PLCG2: variants seen among roughly 807,000 people sequenced by gnomAD.
PLCG2 encodes 1-phosphatidylinositol 4,5-bisphosphate phosphodiesterase gamma-2.
In PLCG2, 69 loss-of-function variants were observed where a neutral mutation model predicts 175.6. That is an observed-to-expected ratio of 0.39 (90% CI 0.32 to 0.48). The LOEUF (loss-of-function observed/expected upper bound fraction) is 0.48, where lower values mean the gene tolerates loss of function less well. Among genes scored for constraint, PLCG2 ranks in the 20% least tolerant of loss-of-function variants. PLCG2 has a pLI of 0.91. For synonymous variants in PLCG2, 827 were observed against 624.0 expected, an observed-to-expected ratio of 1.33 and a Z score of -4.85; for missense variants, 1,798 against 1,650.9, an observed-to-expected ratio of 1.09 and a Z score of -1.54.
At chr16:81,749,643 T>C (rs559102185) in intron 1 of PLCG2, among the ~76,000 whole-genome samples, 4 of 152,242 alleles carry the variant, frequency 2.6e-5, no homozygotes, top group Non-Finnish European at 5.9e-5. Flanking sequence ...CGTGAGCCAC[T>C]GTGCCTGGCC....
At chr16:81,815,722 C>T (rs1020965429) in intron 2 of PLCG2, among the ~76,000 whole-genome samples, 2 of 152,138 alleles carry the variant, frequency 1.3e-5, no homozygotes, top group African/African-American at 2.4e-5. Context: ...TTCTCGCGGT[C>T]TTCTTGGTGG....
Position 81,931,522 on chromosome 16 carries a change from G to T in PLCG2, c.2607G>T (p.Gln869His). Residue 869 changes from glutamine (Q) to histidine (H), a missense_variant, in exon 25 of 33, where the codon CAG becomes CAT. Coordinates refer to ENST00000564138, the MANE Select transcript of PLCG2 (RefSeq NM_002661.5). ...TGAAAGCCCCTCAGGGAAAAAACCAGAAGTCCTTTGTCTTCATCCTGGAGC... is the reference window on the plus strand; with the variant it reads ...TGAAAGCCCCTCAGGGAAAAAACCATAAGTCCTTTGTCTTCATCCTGGAGC... ...NVVKAPQGKN[Q>H]KSFVFILEPK... is the part of the protein sequence containing the mutation. 6.2e-7 allele frequency: 1 copy of T among 1,614,062 alleles called. No individual in the cohort carries two copies. Among genetic ancestry groups the T allele is most frequent in the Non-Finnish European group, 8.5e-7 (1 of 1,180,000 alleles).
intron 2 of PLCG2, among the ~76,000 whole-genome samples, chr16:81,768,867 T>C (rs1910212288): frequency 6.6e-6 from 1 of 152,066 alleles, no homozygotes; most frequent in Admixed American, 6.6e-5. Context: ...GTGCCCAGCC[T>C]ATTGTCAGTG....
At chr16:81,889,356 T>C in intron 10 of PLCG2, 83 bp downstream of exon 10, 1 of 774,778 alleles carries the variant, frequency 1.3e-6, no homozygotes, top group Admixed American at 2.2e-5. Context: ...TCTGTTTGTC[T>C]TTCCTTGGAG....
At chr16:81,790,178 C>A (rs1158452117) in intron 2 of PLCG2, among the ~76,000 whole-genome samples, 1 of 152,160 alleles carries the variant, frequency 6.6e-6, no homozygotes, top group Admixed American at 6.6e-5. Context: ...GTGTGACAGG[C>A]ACTCAGTTGT....
chr16:81,877,821 T>C (rs1907878844), intron 7 of PLCG2, among the ~76,000 whole-genome samples: 1 of 151,644 alleles, frequency 6.6e-6, no homozygotes, highest in South Asian at 2.1e-4. Context: ...CCTTGGCTTG[T>C]AGATGTCATT....
chr16:81,882,656 C>T (rs1567514735), intron 8 of PLCG2, among the ~76,000 whole-genome samples: 1 of 152,004 alleles, frequency 6.6e-6, no homozygotes, highest in Non-Finnish European at 1.5e-5. Context: ...TCTTTCCTCC[C>T]CTCCCTTCTC....
intron 2 of PLCG2, among the ~76,000 whole-genome samples, chr16:81,824,953 G>A (rs1318666309): frequency 6.6e-6 from 1 of 152,248 alleles, no homozygotes; most frequent in Non-Finnish European, 1.5e-5. Context: ...GGAGGTCACA[G>A]TCAGGGAGAG....
At chr16:81,853,781 C>G (rs554692221) in intron 2 of PLCG2, among the ~76,000 whole-genome samples, 1 of 152,262 alleles carries the variant, frequency 6.6e-6, no homozygotes, top group Non-Finnish European at 1.5e-5. Flanking sequence ...GGCATAAATA[C>G]TGGAGGCTGT....
intron 31 of PLCG2, among the ~76,000 whole-genome samples, chr16:81,949,863 G>C (rs570348529): frequency 2.6e-5 from 4 of 152,264 alleles, no homozygotes; most frequent in African/African-American, 7.2e-5. Context: ...GTATGCTAAA[G>C]GTTATTTCAA....
intron 2 of PLCG2, among the ~76,000 whole-genome samples, chr16:81,849,734 G>A (rs1205116635): frequency 7.8e-6 from 1 of 127,934 alleles, no homozygotes; most frequent in Non-Finnish European, 1.5e-5. Context: ...TTGTGCCACT[G>A]CACTCCAGCC....
chr16:81,758,395 T>C (rs1486329040), intron 2 of PLCG2, among the ~76,000 whole-genome samples: 1 of 152,240 alleles, frequency 6.6e-6, no homozygotes, highest in East Asian at 1.9e-4. Flanking sequence ...GTTCATTTGT[T>C]CATCAGTTGA....
rs1910937602 is a variant in PLCG2 at position 81,785,692 on chromosome 16, T to C, written c.-47-251T>C. On this transcript the variant is annotated intron_variant, in intron 1 of 32. Transcript: ENST00000564138. ...GACTCACTGCCAGGTCAGGGTGATTTGGTTATTCAAAGCCCACGTAACGGT... is the reference window on the plus strand; with the variant it reads ...GACTCACTGCCAGGTCAGGGTGATTCGGTTATTCAAAGCCCACGTAACGGT... 6.3e-5 allele frequency: 17 copies of C among 268,780 alleles called. 1 individual carries two copies. The South Asian group carries it at 8.4e-4, about 13-fold the overall frequency. The allele number at this position is 268,780 out of a possible 1,614,324, so 16.6% of individuals were successfully genotyped here. A position where few individuals can be genotyped will look rare whatever the true frequency, so the allele number is the denominator to read the frequency against.
rs773668135 is a variant in PLCG2, at chr16:81,883,257, C to T, written c.693-12C>T. The T allele has an allele frequency of 9.9e-5, 159 of 1,613,398 alleles. No homozygotes were observed. Among genetic ancestry groups the T allele is most frequent in the Middle Eastern group, 3.3e-4 (2 of 6,060 alleles). ...GTCTGTCTCTAACTGCACCCCCTTTCCCCGAGGATAGGAACACTGACAGGC... is the reference window on the plus strand; with the variant it reads ...GTCTGTCTCTAACTGCACCCCCTTTTCCCGAGGATAGGAACACTGACAGGC... On this transcript the variant is annotated splice_polypyrimidine_tract_variant and intron_variant, in intron 8 of 32. Coordinates refer to ENST00000564138, the MANE Select transcript of PLCG2 (RefSeq NM_002661.5).
chr16:81,878,483 C>T (rs1597369221), intron 7 of PLCG2, among the ~76,000 whole-genome samples: 1 of 152,198 alleles, frequency 6.6e-6, no homozygotes, highest in African/African-American at 2.4e-5. Flanking sequence ...CTTTTTCTAT[C>T]TTTAGAACGT....
intron 1 of PLCG2, among the ~76,000 whole-genome samples, chr16:81,743,593 T>G (rs932336699): frequency 6.6e-5 from 10 of 152,144 alleles, no homozygotes; most frequent in Non-Finnish European, 2.9e-5. Flanking sequence ...CCTGAGCTGA[T>G]GAGAACCAGA....
chr16:81,898,987 C>G (rs1909019339), intron 13 of PLCG2, among the ~76,000 whole-genome samples: 1 of 152,086 alleles, frequency 6.6e-6, no homozygotes, highest in South Asian at 2.1e-4. Flanking sequence ...GAGTTTGAGA[C>G]CAGCAGCCTG....
chr16:81,926,935 C>A (rs1758385600), intron 22 of PLCG2, 147 bp from the exon 23 acceptor site: 1 of 643,332 alleles, frequency 1.6e-6, no homozygotes, highest in South Asian at 1.9e-5. Flanking sequence ...TTGAGATGCT[C>A]CATTGTCACA....
At chr16:81,858,398 C>T (rs1376665091) in intron 4 of PLCG2, 42 bp downstream of exon 4, 1 of 1,326,236 alleles carries the variant, frequency 7.5e-7, no homozygotes, top group Admixed American at 1.7e-5. Context: ...TTGCTGATTC[C>T]TTTATTCTGC....
Sources: allele counts gnomAD v4.1 joint callset (sites outside exome capture counted in the v4.1 genomes callset), GRCh38; gene constraint gnomAD v4.1.1; transcripts MANE v1.5; gene names NCBI Gene and HGNC (gene_info 2026-07-23, HGNC 2026-07-21).